RMND1: variants seen among roughly 807,000 people sequenced by gnomAD.
The protein encoded by RMND1 is required for meiotic nuclear division 1 homolog, also known as required for meiotic nuclear division protein 1 homolog.
In RMND1, 41 loss-of-function variants were observed where a neutral mutation model predicts 54.0. That is an observed-to-expected ratio of 0.76 (90% CI 0.59 to 0.98). RMND1 has a LOEUF of 0.98. RMND1 is among the 50% of genes least tolerant of loss of function. The pLI is 0.00. For synonymous variants in RMND1, 183 were observed against 181.7 expected (o/e 1.01, Z -0.06); for missense variants, 457 against 532.0 (o/e 0.86, Z 1.39).
At chr6:151,421,827 G>C (rs1780159634) in intron 8 of RMND1, among the ~76,000 whole-genome samples, 1 of 151,920 alleles carries the variant, frequency 6.6e-6, no homozygotes, top group Admixed American at 6.6e-5. Context: ...TAAAAATACT[G>C]CAACTGACGG....
intron 4 of RMND1, among the ~76,000 whole-genome samples, chr6:151,432,319 T>A (rs1285885531): frequency 6.6e-6 from 1 of 152,164 alleles, no homozygotes; most frequent in Non-Finnish European, 1.5e-5. Context: ...ACAACAGGGA[T>A]GCTATTACTC....
At chr6:151,414,317 G>A (rs1779937779) in intron 10 of RMND1, among the ~76,000 whole-genome samples, 1 of 152,136 alleles carries the variant, frequency 6.6e-6, no homozygotes, top group South Asian at 2.1e-4. Context: ...TGTGATACAA[G>A]GTGAATGTGG....
Position 151,404,929 on chromosome 6 carries a change from T to C in RMND1, c.*306A>G, listed in dbSNP as rs1161870011. The C allele has an allele frequency of 1.1e-5, 3 of 266,196 alleles. No homozygotes were observed. The highest frequency in any genetic ancestry group is 2.1e-5 in the Non-Finnish European group (3 of 142,168). 16.5% of individuals were successfully genotyped at this position (266,196 alleles called of 1,614,324 possible). A position where few individuals can be genotyped will look rare whatever the true frequency, so the allele number is the denominator to read the frequency against. On this transcript the variant is annotated 3_prime_UTR_variant, in exon 12 of 12. Coordinates refer to ENST00000444024, the MANE Select transcript of RMND1 (RefSeq NM_017909.4). ...TGTTGCCCTGGCTGGAGTGCAGTGG[T>C]GTGATCTTAGCTCACTGCAACCTCC...
At chr6:151,450,332 G>GC (rs1423050460) in intron 1 of RMND1, among the ~76,000 whole-genome samples, 4 of 150,312 alleles carry the variant, frequency 2.7e-5, no homozygotes, top group African/African-American at 7.4e-5. Flanking sequence ...CCTCCGCCCG[G>GC]CAGCCACCCC....
chr6:151,430,533 C>T (rs1361525579), intron 4 of RMND1, among the ~76,000 whole-genome samples: 1 of 152,132 alleles, frequency 6.6e-6, no homozygotes, highest in East Asian at 1.9e-4. Context: ...TGTCTTAGCT[C>T]TCATTAGGCA....
chr6:151,448,965 T>C (rs1459758123), intron 1 of RMND1, among the ~76,000 whole-genome samples: 1 of 146,760 alleles, frequency 6.8e-6, no homozygotes, highest in East Asian at 2.0e-4. Context: ...TAATCCCAGT[T>C]ACTTGGGAGG....
At chr6:151,437,920 T>C (rs1780657836) in intron 2 of RMND1, among the ~76,000 whole-genome samples, 1 of 152,132 alleles carries the variant, frequency 6.6e-6, no homozygotes, top group African/African-American at 2.4e-5. Flanking sequence ...ATAAACAAAA[T>C]GAGACTAATC....
At chr6:151,449,010 G>T (rs1781045074) in intron 1 of RMND1, among the ~76,000 whole-genome samples, 1 of 137,686 alleles carries the variant, frequency 7.3e-6, no homozygotes, top group African/African-American at 2.8e-5. Context: ...CTGGGAGGCG[G>T]AGATTGCGCC....
intron 10 of RMND1, 88 bp from the exon 11 acceptor site, chr6:151,405,924 C>T: frequency 9.3e-6 from 6 of 647,300 alleles, no homozygotes; most frequent in Non-Finnish European, 1.4e-5. Flanking sequence ...AGTGAAAAAT[C>T]CTGCTCCTCA....
chr6:151,406,447 T>C (rs12174203), intron 10 of RMND1, among the ~76,000 whole-genome samples: 43,897 of 151,868 alleles, frequency 0.29, 7,310 homozygotes, highest in East Asian at 0.51. Context: ...CTGCAAGCTC[T>C]GCCTCCTGGG....
chr6:151,434,485 A>G (rs1412122999), intron 3 of RMND1, among the ~76,000 whole-genome samples: 1 of 152,056 alleles, frequency 6.6e-6, no homozygotes, highest in Non-Finnish European at 1.5e-5. Context: ...CAAAAGCAAA[A>G]TAAAATCGAC....
intron 10 of RMND1, among the ~76,000 whole-genome samples, chr6:151,412,349 G>T (rs1779870995): frequency 6.6e-6 from 1 of 151,624 alleles, no homozygotes; most frequent in Non-Finnish European, 1.5e-5. Flanking sequence ...ATGGGCGGGG[G>T]TATCACTATG....
At chr6:151,437,822 C>G (rs1259031411) in intron 2 of RMND1, among the ~76,000 whole-genome samples, 5 of 152,162 alleles carry the variant, frequency 3.3e-5, no homozygotes, top group Non-Finnish European at 5.9e-5. Flanking sequence ...TTCCACAGCT[C>G]TGATGCGTGG....
chr6:151,437,074 T>C lies in RMND1; in HGVS notation c.505-520A>G, dbSNP rs369218354. ...ACAAAAAGGTCTGTAAATCTGAGCATGTGTCTTGGTTTGGTTTGTACTTTG... is the reference window on the plus strand; with the variant it reads ...ACAAAAAGGTCTGTAAATCTGAGCACGTGTCTTGGTTTGGTTTGTACTTTG... On this transcript the variant is annotated intron_variant, in intron 2 of 11. Transcript: ENST00000444024. 4.6e-5 allele frequency among the ~76,000 whole-genome samples: 7 copies of C among 152,378 alleles called. No individual in the cohort carries two copies. In the East Asian group the frequency reaches 1.3e-3, roughly 29 times the overall value.
At chr6:151,405,310 TG>T in intron 11 of RMND1, 43 bp from the exon 12 acceptor site, 1 of 1,554,644 alleles carries the variant, frequency 6.4e-7, no homozygotes, top group Non-Finnish European at 8.9e-7. Context: ...GGGCAAATTA[TG>T]GGTACAAACT....
intron 2 of RMND1, 191 bp downstream of exon 2, chr6:151,445,117 T>C (rs772375060): frequency 9.1e-6 from 5 of 549,328 alleles, no homozygotes; most frequent in Non-Finnish European, 1.2e-5. Context: ...TGTTTTTATA[T>C]GTATCATTAA....
In RMND1 at chr6:151,445,464, A is replaced by C. The variant is rs1430620114; in HGVS notation, c.348T>G (p.Ser116=). The C allele has an allele frequency of 6.2e-7, 1 of 1,614,132 alleles. No individual in the cohort carries two copies. The highest frequency in any genetic ancestry group is 8.5e-7 in the Non-Finnish European group (1 of 1,180,054). ...RVTHKPNLLG[S]KWFIKILKRH... ...TCTTTAATATTTTTATAAACCATTT[A>C]GAACCCAACAGATTTGGTTTGTGGG... Residue 116 remains serine (S), a synonymous_variant, in exon 2 of 12, where the codon TCT becomes TCG. Coordinates refer to ENST00000444024, the MANE Select transcript of RMND1 (RefSeq NM_017909.4).
intron 2 of RMND1, among the ~76,000 whole-genome samples, chr6:151,443,468 C>A (rs1456468694): frequency 6.6e-6 from 1 of 152,208 alleles, no homozygotes; most frequent in South Asian, 2.1e-4. Flanking sequence ...TGCACCACTA[C>A]GCCTGGCTAA....
intron 10 of RMND1, 41 bp from the exon 11 acceptor site, chr6:151,405,877 T>A: frequency 9.7e-7 from 1 of 1,032,554 alleles, no homozygotes; most frequent in Non-Finnish European, 1.5e-6. Context: ...TTAAACAATT[T>A]AATACGGTCA....
Sources: allele counts gnomAD v4.1 joint callset (sites outside exome capture counted in the v4.1 genomes callset), GRCh38; gene constraint gnomAD v4.1.1; transcripts MANE v1.5; gene names NCBI Gene and HGNC (gene_info 2026-07-23, HGNC 2026-07-21).